Variants in EXOC4 observed in about 807,000 individuals in gnomAD.
EXOC4 encodes SEC8-like 1.
EXOC4 carries 71 observed loss-of-function variants against 107.2 expected under a neutral mutation model. The observed-to-expected ratio is 0.66, with a 90% CI of 0.55 to 0.81. The LOEUF (loss-of-function observed/expected upper bound fraction) is 0.81. EXOC4 is among the 30% of genes least tolerant of loss of function. EXOC4 has a pLI of 0.00. For missense variants in EXOC4, 1,108 were observed against 1,189.6 expected, an observed-to-expected ratio of 0.93 and a Z score of 1.01; for synonymous variants, 456 against 441.2, an observed-to-expected ratio of 1.03 and a Z score of -0.42.
At chr7:133,454,484 A>G (rs1798419012) in intron 7 of EXOC4, among the ~76,000 whole-genome samples, 1 of 151,976 alleles carries the variant, frequency 6.6e-6, no homozygotes, top group East Asian at 1.9e-4. Context: ...TTTAATAGAG[A>G]TGGGGTTTCG....
At chr7:133,682,373 A>C (rs1663131206) in intron 10 of EXOC4, among the ~76,000 whole-genome samples, 1 of 152,192 alleles carries the variant, frequency 6.6e-6, no homozygotes, top group Non-Finnish European at 1.5e-5. Flanking sequence ...TTCTCGTGAT[A>C]GTGAATAAGT....
At chr7:133,917,788 C>T in intron 13 of EXOC4, 50 bp downstream of exon 13, 5 of 1,521,192 alleles carry the variant, frequency 3.3e-6, no homozygotes, top group Non-Finnish European at 4.5e-6. Context: ...GGAAGCACAT[C>T]TGTTTAGCTA....
At chr7:133,597,307 A>G (rs1308508092) in intron 9 of EXOC4, among the ~76,000 whole-genome samples, 2 of 152,156 alleles carry the variant, frequency 1.3e-5, no homozygotes, top group Non-Finnish European at 2.9e-5. Flanking sequence ...TAATCCCAGC[A>G]CTTTGGGAGG....
At chr7:133,400,311 G>A (rs1183167626) in intron 7 of EXOC4, among the ~76,000 whole-genome samples, 2 of 152,190 alleles carry the variant, frequency 1.3e-5, no homozygotes, top group Non-Finnish European at 2.9e-5. Context: ...TGAATGATGA[G>A]TACTTAGTTG....
intron 7 of EXOC4, chr7:133,447,266 A>T (rs1563069534): frequency 6.6e-6 from 1 of 152,166 alleles, no homozygotes; most frequent in Non-Finnish European, 1.5e-5. Context: ...GTTTTAGGCA[A>T]TCAAAGACTT....
intron 10 of EXOC4, among the ~76,000 whole-genome samples, chr7:133,638,904 A>C (rs1802780018): frequency 6.6e-6 from 1 of 152,144 alleles, no homozygotes; most frequent in Non-Finnish European, 1.5e-5. Flanking sequence ...TAACCTTATT[A>C]GCAGCTTATA....
At chr7:134,005,159 A>G in intron 16 of EXOC4, 69 bp downstream of exon 16, 2 of 1,475,248 alleles carry the variant, frequency 1.4e-6, no homozygotes, top group South Asian at 2.5e-5. Context: ...GATTTTCTGT[A>G]TTACTGAAGT....
intron 9 of EXOC4, among the ~76,000 whole-genome samples, chr7:133,560,697 T>C (rs1217486320): frequency 6.6e-6 from 1 of 152,218 alleles, no homozygotes; most frequent in Non-Finnish European, 1.5e-5. Context: ...ATTACTAATC[T>C]CTGCTTAATT....
chr7:133,283,786 G>A (rs1794213672), intron 2 of EXOC4, among the ~76,000 whole-genome samples: 3 of 152,164 alleles, frequency 2.0e-5, no homozygotes, highest in Non-Finnish European at 2.9e-5. Context: ...CCAAGCAACT[G>A]CTGATTTGAA....
intron 7 of EXOC4, among the ~76,000 whole-genome samples, chr7:133,418,473 G>C (rs1797528740): frequency 6.6e-6 from 1 of 152,200 alleles, no homozygotes; most frequent in Non-Finnish European, 1.5e-5. Flanking sequence ...AAAATAATGT[G>C]TCAGAAATTA....
chr7:133,460,941 A>G (rs930275545), intron 7 of EXOC4, among the ~76,000 whole-genome samples: 1 of 152,132 alleles, frequency 6.6e-6, no homozygotes, highest in Admixed American at 6.6e-5. Context: ...AAATACAGGA[A>G]AAGTTAAATA....
intron 5 of EXOC4, among the ~76,000 whole-genome samples, chr7:133,333,532 T>A (rs1345861610): frequency 1.3e-5 from 2 of 152,186 alleles, no homozygotes; most frequent in African/African-American, 4.8e-5. Context: ...CCCTCTTAGC[T>A]GACAGAGCTA....
intron 9 of EXOC4, among the ~76,000 whole-genome samples, chr7:133,519,692 C>T (rs999745152): frequency 4.6e-5 from 7 of 152,082 alleles, no homozygotes; most frequent in Non-Finnish European, 8.8e-5. Context: ...CCTAATTAGC[C>T]TCCAAATGAG....
chr7:133,814,103 A>G (rs1490049108), intron 10 of EXOC4, among the ~76,000 whole-genome samples: 1 of 152,210 alleles, frequency 6.6e-6, no homozygotes, highest in East Asian at 1.9e-4. Flanking sequence ...ATTAAAAGTT[A>G]TAATTCAAAA....
chr7:133,973,209 C>T (rs1327588553), intron 14 of EXOC4, among the ~76,000 whole-genome samples: 1 of 152,058 alleles, frequency 6.6e-6, no homozygotes, highest in Non-Finnish European at 1.5e-5. Flanking sequence ...AAAGTAATCA[C>T]CCCATAATAT....
intron 10 of EXOC4, among the ~76,000 whole-genome samples, chr7:133,764,458 G>A (rs965492027): frequency 2.0e-5 from 3 of 152,020 alleles, no homozygotes; most frequent in African/African-American, 7.2e-5. Flanking sequence ...CCCCTCCTAG[G>A]AGAGTTCCAG....
intron 10 of EXOC4, among the ~76,000 whole-genome samples, chr7:133,792,216 A>T (rs998981186): frequency 6.6e-6 from 1 of 152,038 alleles, no homozygotes; most frequent in African/African-American, 2.4e-5. Flanking sequence ...ATGAGCTTTC[A>T]CATTTGCTTC....
chr7:133,595,793 C>G (rs924725465), intron 9 of EXOC4, among the ~76,000 whole-genome samples: 1 of 152,188 alleles, frequency 6.6e-6, no homozygotes, highest in South Asian at 2.1e-4. Flanking sequence ...TCCTATACCT[C>G]GCACTGTCTT....
At chr7:133,468,389 T>C (rs1798784906) in intron 7 of EXOC4, among the ~76,000 whole-genome samples, 2 of 152,240 alleles carry the variant, frequency 1.3e-5, no homozygotes, top group South Asian at 2.1e-4. Context: ...TAGACTGCTC[T>C]ATTGAAAAAA....
Sources: allele counts gnomAD v4.1 joint callset (sites outside exome capture counted in the v4.1 genomes callset), GRCh38; gene constraint gnomAD v4.1.1; transcripts MANE v1.5; gene names NCBI Gene and HGNC (gene_info 2026-07-23, HGNC 2026-07-21).